CHN1: variants seen among roughly 807,000 people sequenced by gnomAD.
CHN1 encodes the protein chimerin 1.
CHN1 carries 37 observed loss-of-function variants against 59.5 expected under a neutral mutation model. That is an observed-to-expected ratio of 0.62 (90% CI 0.48 to 0.82). The LOEUF (loss-of-function observed/expected upper bound fraction) is 0.82. Ranked by LOEUF, CHN1 falls within the 40% of genes least tolerant of loss-of-function variation. CHN1 has a pLI of 0.00. For synonymous variants in CHN1, 206 were observed against 200.4 expected (o/e 1.03, Z -0.24); for missense variants, 469 against 571.0 (o/e 0.82, Z 1.82).
At chr2:174,920,676 C>T (rs1031907416) in intron 3 of CHN1, among the ~76,000 whole-genome samples, 9 of 152,102 alleles carry the variant, frequency 5.9e-5, no homozygotes, top group Admixed American at 5.2e-4. Flanking sequence ...AACTTTTGTG[C>T]TTCAATAAAA....
intron 8 of CHN1, 35 bp downstream of exon 8, chr2:174,824,399 C>G (rs1385861352): frequency 4.7e-6 from 7 of 1,502,830 alleles, no homozygotes; most frequent in South Asian, 1.2e-5. Context: ...AACTTCACAA[C>G]TGACTCAATC....
chr2:174,800,196 C>A lies in CHN1; in HGVS notation c.1300G>T (p.Ala434Ser). Residue 434 changes from alanine (A) to serine (S), a missense_variant, in exon 13 of 13, where the codon GCC (alanine) becomes TCC (serine). Physicochemically the swap from Ala to Ser is moderately conservative, Grantham distance 99. Coordinates refer to ENST00000409900, the MANE Select transcript of CHN1 (RefSeq NM_001822.7). Reference protein sequence around the residue: ...PTLMRSPELDAMAALNDIRYQ... With the variant: ...PTLMRSPELDSMAALNDIRYQ... ...CGTATATCATTCAATGCAGCCATGG[C>A]GTCTAGTTCTGGAGATCTCATAAGG... 1.3e-6 allele frequency: 2 copies of A among 1,525,610 alleles called. No homozygotes were observed. Among genetic ancestry groups the A allele is most frequent in the Non-Finnish European group, 1.8e-6 (2 of 1,141,344 alleles). The allele number at this position is 1,525,610 out of a possible 1,614,324, so 94.5% of individuals were successfully genotyped here. A position where few individuals can be genotyped will look rare whatever the true frequency, so the allele number is the denominator to read the frequency against.
intron 1 of CHN1, among the ~76,000 whole-genome samples, chr2:175,003,424 TAA>T (rs1328656310): frequency 1.5e-4 from 23 of 152,226 alleles, no homozygotes; most frequent in Non-Finnish European, 2.9e-5. Context: ...GAAATCCTTT[TAA>T]AAGAGCATTT....
At chr2:174,951,148 T>C (rs1690015333) in intron 2 of CHN1, among the ~76,000 whole-genome samples, 1 of 152,224 alleles carries the variant, frequency 6.6e-6, no homozygotes, top group Admixed American at 6.5e-5. Flanking sequence ...GTAAAGAATA[T>C]TAGTCATTTT....
intron 2 of CHN1, among the ~76,000 whole-genome samples, chr2:174,946,891 T>TA: frequency 1.6e-5 from 1 of 64,280 alleles, no homozygotes; most frequent in Non-Finnish European, 2.9e-5. Flanking sequence ...ACCCTGTCTC[T>TA]AAAAAATGTA....
chr2:174,958,441 T>TG (rs1690286470), intron 1 of CHN1, among the ~76,000 whole-genome samples: 1 of 151,956 alleles, frequency 6.6e-6, no homozygotes. Context: ...AGGGAAGTCT[T>TG]GGAGATTTTG....
intron 5 of CHN1, among the ~76,000 whole-genome samples, chr2:174,889,664 T>C (rs557184562): frequency 6.6e-6 from 1 of 152,198 alleles, no homozygotes; most frequent in Non-Finnish European, 1.5e-5. Flanking sequence ...TTTGAAATTA[T>C]TGACCTCAAA....
chr2:174,973,907 T>G (rs184769603), intron 1 of CHN1, among the ~76,000 whole-genome samples: 3 of 152,202 alleles, frequency 2.0e-5, no homozygotes, highest in Non-Finnish European at 2.9e-5. Flanking sequence ...GAAATATAGA[T>G]GTAACTAGAA....
At chr2:174,831,327 A>G (rs1363382261) in intron 7 of CHN1, among the ~76,000 whole-genome samples, 2 of 152,242 alleles carry the variant, frequency 1.3e-5, no homozygotes, top group East Asian at 1.9e-4. Flanking sequence ...AGGGAGAAGT[A>G]TATCTAAAAT....
chr2:174,945,206 C>G (rs931017998), intron 2 of CHN1: 26 of 481,572 alleles, frequency 5.4e-5, no homozygotes, highest in Non-Finnish European at 4.8e-5. Flanking sequence ...TGGCTCTGTT[C>G]TCCATAATCT....
intron 5 of CHN1, among the ~76,000 whole-genome samples, chr2:174,900,378 CCTGTAGGCCTAG>C (rs976108220): frequency 2.0e-5 from 3 of 152,106 alleles, no homozygotes; most frequent in Admixed American, 2.0e-4. Context: ...GTGATATGTG[CCTGTAGGCCTAG>C]CTACTTGGGA....
intron 3 of CHN1, among the ~76,000 whole-genome samples, chr2:174,928,170 G>T (rs1289976303): frequency 6.6e-6 from 1 of 152,166 alleles, no homozygotes; most frequent in Non-Finnish European, 1.5e-5. Context: ...ATACTATAAA[G>T]TAAGGAAGGA....
chr2:174,979,196 T>C (rs973482804), intron 1 of CHN1, among the ~76,000 whole-genome samples: 3 of 152,110 alleles, frequency 2.0e-5, no homozygotes, highest in Non-Finnish European at 4.4e-5. Flanking sequence ...TATTTTACAG[T>C]GGAATTACAA....
chr2:174,866,481 C>T (rs1251735167), intron 6 of CHN1, among the ~76,000 whole-genome samples: 2 of 151,554 alleles, frequency 1.3e-5, no homozygotes, highest in Non-Finnish European at 2.9e-5. Flanking sequence ...ACACTGCTTC[C>T]AAAAAAAAGC....
At chr2:174,850,718 C>T (rs1686702319) in intron 6 of CHN1, among the ~76,000 whole-genome samples, 1 of 152,158 alleles carries the variant, frequency 6.6e-6, no homozygotes, top group Non-Finnish European at 1.5e-5. Context: ...TGTGTTTTGT[C>T]TCTACCCAAT....
At chr2:174,968,192 G>GTA (rs1379066840) in intron 1 of CHN1, among the ~76,000 whole-genome samples, 1 of 152,140 alleles carries the variant, frequency 6.6e-6, no homozygotes, top group Non-Finnish European at 1.5e-5. Context: ...CACATCACAG[G>GTA]TAACTGAGAT....
At chr2:174,867,827 CTGG>C (rs1687273514) in intron 6 of CHN1, among the ~76,000 whole-genome samples, 2 of 152,172 alleles carry the variant, frequency 1.3e-5, no homozygotes, top group Non-Finnish European at 2.9e-5. Flanking sequence ...GCCCCCAACT[CTGG>C]AAGGACAAAC....
At chr2:174,860,509 A>G (rs1687036990) in intron 6 of CHN1, among the ~76,000 whole-genome samples, 1 of 152,214 alleles carries the variant, frequency 6.6e-6, no homozygotes, top group Non-Finnish European at 1.5e-5. Flanking sequence ...GTATATATGT[A>G]CAATACTAAG....
At chr2:174,813,142 T>C (rs1432093854) in intron 8 of CHN1, among the ~76,000 whole-genome samples, 1 of 152,212 alleles carries the variant, frequency 6.6e-6, no homozygotes, top group African/African-American at 2.4e-5. Flanking sequence ...AAACGGGTAC[T>C]TTTTTCCCTC....
Sources: gnomAD v4.1 joint callset for allele counts (sites outside exome capture counted in the v4.1 genomes callset) on GRCh38, gnomAD v4.1.1 for gene constraint, MANE v1.5 for transcripts, NCBI Gene and HGNC (gene_info 2026-07-23, HGNC 2026-07-21) for gene names.